The following APBA1 variants were observed in gnomAD, a reference collection of about 807,000 sequenced individuals.
APBA1 encodes the protein amyloid-beta A4 precursor protein-binding family A member 1.
In APBA1, 55 loss-of-function variants were observed where a neutral mutation model predicts 86.6. That is an observed-to-expected ratio of 0.64 (90% CI 0.51 to 0.80). The LOEUF (loss-of-function observed/expected upper bound fraction) is 0.80, where lower values mean the gene tolerates loss of function less well. Among genes scored for constraint, APBA1 ranks in the 30% least tolerant of loss-of-function variants. The pLI is 0.00. For missense variants in APBA1, 1,090 were observed against 1,183.0 expected, an observed-to-expected ratio of 0.92 and a Z score of 1.15; for synonymous variants, 511 against 493.9, an observed-to-expected ratio of 1.03 and a Z score of -0.46.
At chr9:69,435,378 C>A (rs1162997058) in intron 11 of APBA1, among the ~76,000 whole-genome samples, 12 of 152,060 alleles carry the variant, frequency 7.9e-5, no homozygotes, top group Admixed American at 7.2e-4. Flanking sequence ...ACACTGACTT[C>A]CACAATGGTT....
intron 1 of APBA1, among the ~76,000 whole-genome samples, chr9:69,587,679 G>T (rs755281616): frequency 4.6e-5 from 7 of 152,034 alleles, no homozygotes; most frequent in Non-Finnish European, 8.8e-5. Flanking sequence ...ACTTCCCCAC[G>T]ACCCACCTTT....
intron 2 of APBA1, among the ~76,000 whole-genome samples, chr9:69,488,038 G>A (rs1410313759): frequency 6.6e-6 from 1 of 152,122 alleles, no homozygotes; most frequent in African/African-American, 2.4e-5. Flanking sequence ...AGTTGAAGAG[G>A]GGAAAGTTGG....
chr9:69,435,440 A>T (rs1444333236), intron 11 of APBA1, among the ~76,000 whole-genome samples: 1 of 151,972 alleles, frequency 6.6e-6, no homozygotes, highest in East Asian at 1.9e-4. Flanking sequence ...ATTTCTCCAC[A>T]TCCTCTCCAG....
intron 1 of APBA1, among the ~76,000 whole-genome samples, chr9:69,655,598 A>G (rs1399348681): frequency 6.6e-6 from 1 of 152,206 alleles, no homozygotes; most frequent in Non-Finnish European, 1.5e-5. Context: ...CAAATGAATG[A>G]AAAGATATCT....
At chr9:69,483,552 C>A (rs113292972) in intron 2 of APBA1, among the ~76,000 whole-genome samples, 3 of 152,092 alleles carry the variant, frequency 2.0e-5, no homozygotes, top group African/African-American at 7.2e-5. Context: ...AAAATCTTTT[C>A]CAAAAAGTCT....
At chr9:69,471,517 T>C in intron 4 of APBA1, 139 bp downstream of exon 4, 1 of 733,626 alleles carries the variant, frequency 1.4e-6, no homozygotes, top group East Asian at 2.6e-5. Context: ...TCTAAGATCC[T>C]AAGACTGCTA....
intron 3 of APBA1, among the ~76,000 whole-genome samples, chr9:69,472,009 T>A (rs1835374236): frequency 6.6e-6 from 1 of 152,202 alleles, no homozygotes; most frequent in South Asian, 2.1e-4. Flanking sequence ...CAATTTGTAT[T>A]CTTAAGGATC....
intron 2 of APBA1, among the ~76,000 whole-genome samples, chr9:69,510,292 G>A (rs966158696): frequency 2.0e-5 from 3 of 151,910 alleles, no homozygotes; most frequent in African/African-American, 7.3e-5. Flanking sequence ...CAAACAGAGA[G>A]CCAAATCATA....
chr9:69,450,771 A>AT (rs1834993814), intron 9 of APBA1, among the ~76,000 whole-genome samples: 2 of 152,134 alleles, frequency 1.3e-5, no homozygotes, highest in Non-Finnish European at 2.9e-5. Context: ...CTCTAATCCA[A>AT]TATTACTCAT....
chr9:69,461,847 T>A (rs1044827787), intron 5 of APBA1: 4 of 152,174 alleles, frequency 2.6e-5, no homozygotes, highest in Non-Finnish European at 5.9e-5. Context: ...CTCTACCCCA[T>A]CCATTTTGAG....
rs769881277 is a variant in APBA1, at chr9:69,516,011, A to G, written c.1200T>C (p.Asp400=). The part of the protein sequence containing the change: ...DCDDQRPMDG[D]SPSPGSSSPL... ...GAAGCCCAAACCCGCACCTACTTACATCTCCGTCCATCGGCCTCTGGTCGT... is the reference window on the plus strand; with the variant it reads ...GAAGCCCAAACCCGCACCTACTTACGTCTCCGTCCATCGGCCTCTGGTCGT... The change falls in exon 2 of 13, where the codon GAT becomes GAC. Residue 400 remains aspartate (D), a splice_region_variant and synonymous_variant. Transcript: ENST00000265381. The surrounding 1 kb of genome is among the most constrained non-coding windows in gnomAD (Gnocchi z 7.3). 2.6e-6 allele frequency: 4 copies of G among 1,557,674 alleles called. No homozygotes were observed. The East Asian group carries it at 7.4e-5, about 29-fold the overall frequency.
intron 1 of APBA1, among the ~76,000 whole-genome samples, chr9:69,604,421 C>T (rs1410884596): frequency 6.9e-6 from 1 of 145,946 alleles, no homozygotes; most frequent in Non-Finnish European, 1.5e-5. Flanking sequence ...AGTGTGGGCA[C>T]ACATATATGA....
At chr9:69,491,071 G>A (rs1376673549) in intron 2 of APBA1, among the ~76,000 whole-genome samples, 3 of 152,102 alleles carry the variant, frequency 2.0e-5, no homozygotes, top group Non-Finnish European at 2.9e-5. Context: ...TCTAGAACTA[G>A]AAATACCATT....
Position 69,516,053 on chromosome 9 carries a change from G to A in APBA1, c.1158C>T (p.Ser386=), listed in dbSNP as rs1836136360. The change falls in exon 2 of 13, where the codon AGC becomes AGT. Residue 386 remains serine, a synonymous_variant. Coordinates refer to ENST00000265381, the MANE Select transcript of APBA1 (RefSeq NM_001163.4). The surrounding 1 kb of genome is among the most constrained non-coding windows in gnomAD (Gnocchi z 7.3). ...EPIWVMRQDI[S]PTRDCDDQRP... The stretch of plus-strand genomic sequence containing the variant: ...TCTGGTCGTCACAGTCCCTGGTGGG[G>A]CTAATGTCCTGGCGCATGACCCAGA... 6.2e-7 allele frequency: 1 copy of A among 1,609,934 alleles called. No homozygotes were observed. Among genetic ancestry groups the A allele is most frequent in the Non-Finnish European group, 8.5e-7 (1 of 1,177,594 alleles).
At chr9:69,547,883 T>A (rs1236840607) in intron 1 of APBA1, among the ~76,000 whole-genome samples, 1 of 152,156 alleles carries the variant, frequency 6.6e-6, no homozygotes, top group East Asian at 1.9e-4. Flanking sequence ...TTCAGTGGTG[T>A]GGTCAGTGGA....
At chr9:69,599,227 T>G (rs1348476691) in intron 1 of APBA1, among the ~76,000 whole-genome samples, 1 of 152,234 alleles carries the variant, frequency 6.6e-6, no homozygotes, top group Non-Finnish European at 1.5e-5. Flanking sequence ...TTTACCGCAA[T>G]TTTAAAAACT....
At chr9:69,470,800 A>C (rs2133832371) in intron 4 of APBA1, among the ~76,000 whole-genome samples, 1 of 152,238 alleles carries the variant, frequency 6.6e-6, no homozygotes, top group South Asian at 2.1e-4. Context: ...CTCTAGCCAG[A>C]GAGTGAGTGC....
intron 1 of APBA1, among the ~76,000 whole-genome samples, chr9:69,622,661 C>G (rs977468909): frequency 6.6e-6 from 1 of 151,996 alleles, no homozygotes; most frequent in Non-Finnish European, 1.5e-5. Flanking sequence ...GGAAATAAGG[C>G]CTTATTTGAA....
chr9:69,555,721 C>T (rs1836850615), intron 1 of APBA1, among the ~76,000 whole-genome samples: 1 of 152,028 alleles, frequency 6.6e-6, no homozygotes, highest in African/African-American at 2.4e-5. Flanking sequence ...AGAATTTTAG[C>T]AATGAGAAAG....
Sources: allele counts gnomAD v4.1 joint callset (sites outside exome capture counted in the v4.1 genomes callset), GRCh38; gene constraint gnomAD v4.1.1; non-coding constraint Gnocchi (gnomAD v3.1); transcripts MANE v1.5; gene names NCBI Gene and HGNC (gene_info 2026-07-23, HGNC 2026-07-21).